The following COL23A1 variants were observed in gnomAD, a reference collection of about 807,000 sequenced individuals.
COL23A1 encodes the protein collagen type XXIII alpha 1 chain, also known as collagen alpha-1(XXIII) chain.
A neutral mutation model predicts 99.3 loss-of-function variants in COL23A1; 97 were observed. The observed-to-expected ratio is 0.98, with a 90% CI of 0.83 to 1.16. COL23A1 has a LOEUF of 1.16. Ranked by LOEUF, COL23A1 falls within the 50% of genes most tolerant of loss-of-function variation. COL23A1 has a pLI of 0.00. For missense variants in COL23A1, 762 were observed against 757.4 expected (o/e 1.01, Z -0.07); for synonymous variants, 320 against 308.2 (o/e 1.04, Z -0.40).
intron 4 of COL23A1, chr5:178,288,639 G>A (rs985007013): frequency 3.6e-6 from 2 of 548,550 alleles, no homozygotes; most frequent in South Asian, 2.3e-5. Context: ...TAAATGCCAC[G>A]TGGGGACGTG....
intron 2 of COL23A1, among the ~76,000 whole-genome samples, chr5:178,509,398 T>C (rs1468511999): frequency 2.6e-5 from 4 of 151,998 alleles, no homozygotes; most frequent in Admixed American, 6.6e-5. Context: ...TTTTTTTGTA[T>C]TTTTAGTAGA....
At chr5:178,420,923 A>G (rs946570661) in intron 2 of COL23A1, among the ~76,000 whole-genome samples, 3 of 151,822 alleles carry the variant, frequency 2.0e-5, no homozygotes, top group Non-Finnish European at 4.4e-5. Context: ...GAAAACCCTC[A>G]TGGAAGCAGA....
intron 2 of COL23A1, among the ~76,000 whole-genome samples, chr5:178,344,224 C>T (rs1426720614): frequency 1.3e-5 from 2 of 152,206 alleles, no homozygotes; most frequent in Non-Finnish European, 1.5e-5. Context: ...GTCCTATTTG[C>T]ACATAGCTTA....
chr5:178,290,342 GCA>G lies in COL23A1; in HGVS notation c.414+18_414+19del, dbSNP rs565524183. 5.7e-3 allele frequency: 9,157 copies of G among 1,614,008 alleles called. 41 individuals are homozygous for G. The highest frequency in any genetic ancestry group is 6.4e-3 in the Non-Finnish European group (7,531 of 1,179,982). ...ACATCTTATCTTTCAGAAGCAGACA[GCA>G]CAGTCCAGGACACTTACTGGAGGAC... On this transcript the variant is annotated intron_variant, in intron 4 of 28. Transcript: ENST00000390654.
intron 2 of COL23A1, among the ~76,000 whole-genome samples, chr5:178,435,873 A>G (rs1766531825): frequency 1.3e-5 from 2 of 152,198 alleles, no homozygotes; most frequent in Admixed American, 6.5e-5. Flanking sequence ...TGCTTGCCAC[A>G]TAGGTAGCAC....
chr5:178,286,142 G>C (rs1757138586), intron 5 of COL23A1, among the ~76,000 whole-genome samples: 2 of 152,322 alleles, frequency 1.3e-5, no homozygotes, highest in African/African-American at 4.8e-5. Flanking sequence ...TCAGGAAGAA[G>C]GCCATCATGG....
intron 1 of COL23A1, among the ~76,000 whole-genome samples, chr5:178,574,540 G>A (rs1275348558): frequency 2.0e-5 from 3 of 152,120 alleles, no homozygotes; most frequent in Non-Finnish European, 2.9e-5. Context: ...CTACACAGAC[G>A]CCAATGAAAA....
intron 2 of COL23A1, among the ~76,000 whole-genome samples, chr5:178,328,706 A>G (rs1759838166): frequency 6.6e-6 from 1 of 152,216 alleles, no homozygotes; most frequent in Non-Finnish European, 1.5e-5. Context: ...ACTCGAAAAA[A>G]AAGATGACAA....
chr5:178,400,971 A>G (rs567452745), intron 2 of COL23A1, among the ~76,000 whole-genome samples: 2 of 151,602 alleles, frequency 1.3e-5, no homozygotes, highest in African/African-American at 4.8e-5. Flanking sequence ...CCAAACAAAA[A>G]CTCTGTACCC....
At chr5:178,560,627 C>A (rs762608174) in intron 2 of COL23A1, 55 bp downstream of exon 2, 17 of 1,540,742 alleles carry the variant, frequency 1.1e-5, no homozygotes, top group Non-Finnish European at 1.4e-5. Flanking sequence ...CTCAGCAATC[C>A]CAAGCAAACG....
Position 178,256,926 on chromosome 5 carries a change from G to T in COL23A1, c.777C>A (p.Gly259=). ...PSQPGPPGPK[G]EPGSMGPRGE... is the part of the protein sequence containing the mutation. The stretch of plus-strand genomic sequence containing the variant: ...CCCGAGGCCCCATGCTCCCTGGCTC[G>T]CCCTGAAACAGACACAGCTGCAGTG... The change falls in exon 14 of 29, where the codon GGC becomes GGA. Residue 259 remains glycine, a splice_region_variant and synonymous_variant. Coordinates refer to ENST00000390654, the MANE Select transcript of COL23A1 (RefSeq NM_173465.4). The T allele has an allele frequency of 6.2e-7, 1 of 1,613,300 alleles. No homozygotes were observed. The highest frequency in any genetic ancestry group is 8.5e-7 in the Non-Finnish European group (1 of 1,179,766).
At chr5:178,574,384 A>G (rs1356187676) in intron 1 of COL23A1, among the ~76,000 whole-genome samples, 1 of 152,210 alleles carries the variant, frequency 6.6e-6, no homozygotes, top group African/African-American at 2.4e-5. Context: ...TTGTGTGTAA[A>G]TTATATCCTT....
intron 5 of COL23A1, among the ~76,000 whole-genome samples, chr5:178,282,593 C>A (rs1240723930): frequency 6.6e-6 from 1 of 152,194 alleles, no homozygotes; most frequent in Admixed American, 6.5e-5. Context: ...GGCATGCAAG[C>A]AGGCCGTGTG....
intron 2 of COL23A1, among the ~76,000 whole-genome samples, chr5:178,523,195 T>TAGAGAGAGAGAGAG (rs1355046736): frequency 1.3e-5 from 1 of 78,866 alleles, no homozygotes; most frequent in Admixed American, 1.8e-4. Flanking sequence ...TATATATATA[T>TAGAGAGAGAGAGAG]ATATATAGAG....
intron 19 of COL23A1, among the ~76,000 whole-genome samples, chr5:178,248,702 T>A (rs574381906): frequency 6.6e-6 from 1 of 152,064 alleles, no homozygotes; most frequent in Admixed American, 6.5e-5. Context: ...ACGCATGCCC[T>A]TGAGGGAGGG....
chr5:178,264,053 TG>T (rs1277497615), intron 8 of COL23A1, among the ~76,000 whole-genome samples: 1 of 151,984 alleles, frequency 6.6e-6, no homozygotes, highest in Non-Finnish European at 1.5e-5. Flanking sequence ...GCGTTAGGGA[TG>T]GGGGGATGAA....
At chr5:178,324,837 G>A (rs749423) in intron 2 of COL23A1, among the ~76,000 whole-genome samples, 64,499 of 152,052 alleles carry the variant, frequency 0.42, 14,482 homozygotes, top group African/African-American at 0.57. Context: ...GAGCAGCATC[G>A]CCACCTACCT....
rs966679634 is a variant in COL23A1 at position 178,480,723 on chromosome 5, C to T, written c.361+79959G>A. ...AAGGTAAGTCAAAATGTAATGGTCA[C>T]GGATAATACCTACTCTAGGTATCTA... is the stretch of plus-strand genomic sequence containing the variant. On this transcript the variant is annotated intron_variant, in intron 2 of 28. Coordinates refer to ENST00000390654, the MANE Select transcript of COL23A1 (RefSeq NM_173465.4). Among the ~76,000 whole-genome samples the T allele has an allele frequency of 3.8e-4, 58 of 152,104 alleles. 3 individuals carry two copies. The highest frequency in any genetic ancestry group is 2.9e-5 in the Non-Finnish European group (2 of 68,022).
intron 2 of COL23A1, among the ~76,000 whole-genome samples, chr5:178,376,567 A>G (rs1763081359): frequency 6.6e-6 from 1 of 152,242 alleles, no homozygotes; most frequent in South Asian, 2.1e-4. Context: ...GCACTGAGTT[A>G]GGTGCTTTAG....
Sources: allele counts gnomAD v4.1 joint callset (sites outside exome capture counted in the v4.1 genomes callset), GRCh38; gene constraint gnomAD v4.1.1; transcripts MANE v1.5; gene names NCBI Gene and HGNC (gene_info 2026-07-23, HGNC 2026-07-21).